Variants in ENOX1 observed in about 807,000 individuals in gnomAD.
ENOX1 encodes candidate growth-related and time keeping constitutive hydroquinone (NADH) oxidase.
A neutral mutation model predicts 82.5 loss-of-function variants in ENOX1; 42 were observed. The ratio of observed to expected loss-of-function variants is 0.51; its 90% CI spans 0.40 to 0.66. The LOEUF (loss-of-function observed/expected upper bound fraction) is 0.66. Among genes scored for constraint, ENOX1 ranks in the 30% least tolerant of loss-of-function variants. ENOX1 has a pLI of 0.00. For synonymous variants in ENOX1, 271 were observed against 282.2 expected, an observed-to-expected ratio of 0.96 and a Z score of 0.40; for missense variants, 608 against 811.6, an observed-to-expected ratio of 0.75 and a Z score of 3.05.
chr13:43,500,560 G>A (rs1397761278), intron 2 of ENOX1, among the ~76,000 whole-genome samples: 1 of 151,944 alleles, frequency 6.6e-6, no homozygotes, highest in Non-Finnish European at 1.5e-5. Context: ...TCAACACTGG[G>A]TCCTCCTTAT....
intron 5 of ENOX1, among the ~76,000 whole-genome samples, chr13:43,405,353 G>A (rs1219417275): frequency 6.6e-6 from 1 of 152,058 alleles, no homozygotes; most frequent in East Asian, 1.9e-4. Flanking sequence ...GGGCGTTACG[G>A]TCCCCAGGGC....
At position 43,629,421 on chromosome 13, in the gene ENOX1, C is replaced by T. The variant is rs1055589416; in HGVS notation, c.-219+38058G>A. Among the ~76,000 whole-genome samples the T allele has an allele frequency of 1.6e-4, 25 of 152,168 alleles. No individual in the cohort carries two copies. In the East Asian group the frequency reaches 3.3e-3, roughly 20 times the overall value. The stretch of plus-strand genomic sequence containing the variant: ...GGATATGTAAGATAAGAAGACAACA[C>T]AGGGAACTTACCACCAGGTTATTCC... On this transcript the variant is annotated intron_variant, in intron 2 of 16. Coordinates refer to ENST00000690772, the MANE Select transcript of ENOX1 (RefSeq NM_001347969.2).
chr13:43,227,629 T>C lies in ENOX1; in HGVS notation c.1715-3491A>G, dbSNP rs531042448. On this transcript the variant is annotated intron_variant, in intron 15 of 16. Coordinates refer to ENST00000690772, the MANE Select transcript of ENOX1 (RefSeq NM_001347969.2). Reference sequence around the variant, plus strand: ...ATGTTTTGAGCAAGGAAAATTTTCATTGAAACTATTTTGCTCATAACTAAG... The same window carrying C: ...ATGTTTTGAGCAAGGAAAATTTTCACTGAAACTATTTTGCTCATAACTAAG... Among the ~76,000 whole-genome samples, 7 of 152,198 alleles carry C rather than the reference T, an allele frequency of 4.6e-5. No individual in the cohort carries two copies. In the East Asian group the frequency reaches 5.8e-4, roughly 13 times the overall value.
chr13:43,366,100 G>A (rs1262917394), intron 5 of ENOX1, among the ~76,000 whole-genome samples: 1 of 152,156 alleles, frequency 6.6e-6, no homozygotes, highest in Non-Finnish European at 1.5e-5. Flanking sequence ...AAGTCTTGTT[G>A]TTCTATAATG....
chr13:43,331,586 G>C (rs2048410684), intron 9 of ENOX1, among the ~76,000 whole-genome samples: 1 of 152,134 alleles, frequency 6.6e-6, no homozygotes, highest in South Asian at 2.1e-4. Context: ...AAATGAAATA[G>C]GTGACCTCTC....
intron 3 of ENOX1, chr13:43,459,158 A>T (rs1391321268): frequency 6.6e-6 from 1 of 152,218 alleles, no homozygotes; most frequent in Non-Finnish European, 1.5e-5. Flanking sequence ...GAGCTATTTT[A>T]TCTTGTCCCT....
chr13:43,695,093 G>C (rs1262725713), intron 1 of ENOX1, among the ~76,000 whole-genome samples: 4 of 152,132 alleles, frequency 2.6e-5, no homozygotes, highest in African/African-American at 9.7e-5. Context: ...ACTTAGTCCT[G>C]AGTGAGTGGG....
chr13:43,393,381 TAGATA>T, intron 5 of ENOX1, among the ~76,000 whole-genome samples: 1 of 152,324 alleles, frequency 6.6e-6, no homozygotes, highest in African/African-American at 2.4e-5. Context: ...TAAAATAGAT[TAGATA>T]AAAGGGGCAA....
At chr13:43,225,695 T>C (rs1458172336) in intron 15 of ENOX1, among the ~76,000 whole-genome samples, 3 of 152,090 alleles carry the variant, frequency 2.0e-5, no homozygotes, top group African/African-American at 7.2e-5. Flanking sequence ...GGGATGAGTG[T>C]CAAGTTTTTA....
intron 14 of ENOX1, among the ~76,000 whole-genome samples, chr13:43,247,862 TATATATATATATATATATATA>T (rs1566329561): frequency 0.093 from 320 of 3,432 alleles, 36 homozygotes; most frequent in African/African-American, 0.2. Flanking sequence ...TATATATATA[TATATATATATATATATATATA>T]TTTTTTTTTT....
chr13:43,427,763 A>G (rs921910518), intron 3 of ENOX1, among the ~76,000 whole-genome samples: 2 of 152,360 alleles, frequency 1.3e-5, no homozygotes, highest in Admixed American at 1.3e-4. Flanking sequence ...AACTTGCTAT[A>G]GCATGGCAAA....
At chr13:43,358,660 A>G (rs2153558568) in intron 7 of ENOX1, among the ~76,000 whole-genome samples, 1 of 152,268 alleles carries the variant, frequency 6.6e-6, no homozygotes, top group African/African-American at 2.4e-5. Context: ...AGCACTTAAT[A>G]TCCATTATTT....
chr13:43,691,027 C>T (rs2086336758), intron 1 of ENOX1, among the ~76,000 whole-genome samples: 3 of 152,174 alleles, frequency 2.0e-5, no homozygotes, highest in Admixed American at 1.3e-4. Context: ...CTTCAATTGG[C>T]AACTAGGCTG....
At chr13:43,461,125 T>G (rs1376631763) in intron 3 of ENOX1, among the ~76,000 whole-genome samples, 1 of 152,226 alleles carries the variant, frequency 6.6e-6, no homozygotes, top group Non-Finnish European at 1.5e-5. Flanking sequence ...TGAAGGTGAG[T>G]CTTTGCCATG....
intron 2 of ENOX1, among the ~76,000 whole-genome samples, chr13:43,525,560 C>T (rs912797461): frequency 5.9e-5 from 9 of 152,138 alleles, no homozygotes; most frequent in Non-Finnish European, 1.0e-4. Context: ...ACTGTCCTAC[C>T]GTTTCCCACA....
chr13:43,421,433 G>A (rs1357806246), intron 3 of ENOX1, among the ~76,000 whole-genome samples: 1 of 152,138 alleles, frequency 6.6e-6, no homozygotes, highest in East Asian at 1.9e-4. Flanking sequence ...AAGTTGTAAG[G>A]AGCTTCTTGA....
At chr13:43,433,224 T>G (rs777810453) in intron 3 of ENOX1, among the ~76,000 whole-genome samples, 1 of 152,108 alleles carries the variant, frequency 6.6e-6, no homozygotes, top group African/African-American at 2.4e-5. Flanking sequence ...GAAGTGAACA[T>G]GTGTGAAGAG....
intron 3 of ENOX1, among the ~76,000 whole-genome samples, chr13:43,468,199 T>C (rs898822934): frequency 6.6e-6 from 1 of 152,084 alleles, no homozygotes; most frequent in African/African-American, 2.4e-5. Context: ...TTTTTCTTTT[T>C]TTGAGACAGA....
chr13:43,216,202 A>C lies in ENOX1; in HGVS notation c.1801-2081T>G, dbSNP rs2041474192. On this transcript the variant is annotated intron_variant, in intron 16 of 16. Transcript: ENST00000690772. Reference sequence around the variant, plus strand: ...GACAGAGAGAGACTCCGTCTCAAAAAAAAATGGGGACTTAAGCCAGACAAG... The same window carrying C: ...GACAGAGAGAGACTCCGTCTCAAAACAAAATGGGGACTTAAGCCAGACAAG... 2.0e-5 allele frequency among the ~76,000 whole-genome samples: 3 copies of C among 152,082 alleles called. No homozygotes were observed. The South Asian group carries it at 6.2e-4, about 32-fold the overall frequency.
Sources: allele counts gnomAD v4.1 joint callset (sites outside exome capture counted in the v4.1 genomes callset), GRCh38; gene constraint gnomAD v4.1.1; transcripts MANE v1.5; gene names NCBI Gene and HGNC (gene_info 2026-07-23, HGNC 2026-07-21).